STAB2: variants seen among roughly 807,000 people sequenced by gnomAD.
The protein encoded by STAB2 is stabilin-2.
STAB2 carries 288 observed loss-of-function variants against 338.1 expected under a neutral mutation model. That is an observed-to-expected ratio of 0.85 (90% CI 0.77 to 0.94). STAB2 has a LOEUF of 0.94. Among genes scored for constraint, STAB2 ranks in the 40% least tolerant of loss-of-function variants. STAB2 has a pLI of 0.00. For missense variants in STAB2, 3,141 were observed against 3,210.1 expected, an observed-to-expected ratio of 0.98 and a Z score of 0.52; for synonymous variants, 1,202 against 1,193.3, an observed-to-expected ratio of 1.01 and a Z score of -0.15.
At position 103,755,313 on chromosome 12, in the gene STAB2, C is replaced by T; in HGVS notation, c.6726C>T (p.His2242=). Residue 2242 remains histidine, a synonymous_variant, in exon 62 of 69, where the codon CAC becomes CAT. Transcript: ENST00000388887. The part of the protein sequence containing the change: ...QLSYAQKAKY[H]LCSAGWLETG... ...CTGTATCCCTGCAGGCCAAGTACCA[C>T]CTGTGCTCAGCAGGCTGGCTGGAGA... 1 of 1,614,012 alleles carries T rather than the reference C, an allele frequency of 6.2e-7. No homozygotes were observed.
At position 103,617,098 on chromosome 12, in the gene STAB2, A is replaced by G. The variant is rs755805188; in HGVS notation, c.332-3370A>G. Among the ~76,000 whole-genome samples, 3 of 152,154 alleles carry G rather than the reference A, an allele frequency of 2.0e-5. 1 individual carries two copies. The highest frequency in any genetic ancestry group is 4.1e-4 in the South Asian group (2 of 4,824). On this transcript the variant is annotated intron_variant, in intron 3 of 68. Coordinates refer to ENST00000388887, the MANE Select transcript of STAB2 (RefSeq NM_017564.10). ...AACCAACTGGGCCATTCAGAACTAG[A>G]TTATTTTTGGTAAATATTGGTAAGT...
chr12:103,741,670 G>A (rs1296143010), intron 55 of STAB2, among the ~76,000 whole-genome samples: 2 of 152,212 alleles, frequency 1.3e-5, no homozygotes, highest in Non-Finnish European at 2.9e-5. Context: ...GCCCAGGCTG[G>A]TCTCAAACTC....
At chr12:103,713,926 A>G (rs933889396) in intron 42 of STAB2, among the ~76,000 whole-genome samples, 158 bp downstream of exon 42, 1 of 152,268 alleles carries the variant, frequency 6.6e-6, no homozygotes, top group African/African-American at 2.4e-5. Flanking sequence ...AAGTGACCAC[A>G]GGGTATGAAG....
At chr12:103,647,738 C>T (rs928666057) in intron 9 of STAB2, among the ~76,000 whole-genome samples, 1 of 152,194 alleles carries the variant, frequency 6.6e-6, no homozygotes, top group African/African-American at 2.4e-5. Flanking sequence ...AGTAGGGCTT[C>T]CCCCTCCCCC....
At position 103,602,868 on chromosome 12, in the gene STAB2, T is replaced by C. The variant is rs569463823; in HGVS notation, c.331+8358T>C. 7.2e-5 allele frequency among the ~76,000 whole-genome samples: 11 copies of C among 152,362 alleles called. No homozygotes were observed. The South Asian group carries it at 2.3e-3, about 32-fold the overall frequency. Reference sequence around the variant, plus strand: ...TCTTTCCAGTCTCGTAACATTGCCTTTTGAAGAGAAAACATTCTTAATTTT... The same window carrying C: ...TCTTTCCAGTCTCGTAACATTGCCTCTTGAAGAGAAAACATTCTTAATTTT... On this transcript the variant is annotated intron_variant, in intron 3 of 68. Transcript: ENST00000388887.
intron 50 of STAB2, among the ~76,000 whole-genome samples, chr12:103,732,790 G>A (rs577048206): frequency 6.6e-6 from 1 of 152,286 alleles, no homozygotes; most frequent in East Asian, 1.9e-4. Context: ...GGGCAACAGA[G>A]TGAGACCCTG....
chr12:103,688,080 C>A (rs1877589618), intron 27 of STAB2, 88 bp from the exon 28 acceptor site: 3 of 1,331,766 alleles, frequency 2.3e-6, no homozygotes, highest in Non-Finnish European at 3.2e-6. Context: ...GCAGGTGACC[C>A]AGAGATGCAC....
chr12:103,765,367 T>G (rs963228982), intron 68 of STAB2, among the ~76,000 whole-genome samples: 1 of 152,128 alleles, frequency 6.6e-6, no homozygotes, highest in African/African-American at 2.4e-5. Context: ...CATTCCAGAA[T>G]CCTAAGCATA....
At chr12:103,718,124 G>C (rs544278110) in intron 44 of STAB2, among the ~76,000 whole-genome samples, 10 of 152,084 alleles carry the variant, frequency 6.6e-5, no homozygotes, top group Admixed American at 1.3e-4. Context: ...TTATGAAAAA[G>C]ATCCCTTTCC....
chr12:103,700,613 T>C (rs1434061769), intron 34 of STAB2, among the ~76,000 whole-genome samples: 1 of 152,192 alleles, frequency 6.6e-6, no homozygotes, highest in Non-Finnish European at 1.5e-5. Flanking sequence ...GGATTGGTAA[T>C]TATGGTATTG....
At chr12:103,683,082 C>T in intron 25 of STAB2, 123 bp from the exon 26 acceptor site, 1 of 701,648 alleles carries the variant, frequency 1.4e-6, no homozygotes, top group Non-Finnish European at 2.3e-6. Flanking sequence ...GGCATTAACA[C>T]TGTTCTCTGG....
At chr12:103,619,604 A>T (rs1296426645) in intron 3 of STAB2, among the ~76,000 whole-genome samples, 1 of 152,174 alleles carries the variant, frequency 6.6e-6, no homozygotes, top group African/African-American at 2.4e-5. Context: ...CATAAAAGCT[A>T]CAATTCAGAT....
At chr12:103,657,892 G>A (rs1874312677) in intron 15 of STAB2, 1 of 152,178 alleles carries the variant, frequency 6.6e-6, no homozygotes, top group Non-Finnish European at 1.5e-5. Flanking sequence ...CATCGGCTAT[G>A]CCAATGAAAT....
At chr12:103,683,152 A>T in intron 25 of STAB2, 53 bp from the exon 26 acceptor site, 5 of 1,520,300 alleles carry the variant, frequency 3.3e-6, no homozygotes, top group Non-Finnish European at 4.5e-6. Flanking sequence ...AGGGAAAGAC[A>T]TGGAAGGCAC....
intron 3 of STAB2, among the ~76,000 whole-genome samples, chr12:103,598,221 T>G (rs1453300406): frequency 2.6e-5 from 4 of 152,180 alleles, no homozygotes; most frequent in African/African-American, 4.8e-5. Flanking sequence ...CTAGCACTGT[T>G]CACCAAGCTT....
chr12:103,656,124 G>A (rs913453257), intron 15 of STAB2, among the ~76,000 whole-genome samples: 2 of 152,158 alleles, frequency 1.3e-5, no homozygotes, highest in Non-Finnish European at 2.9e-5. Flanking sequence ...CTTCATATCG[G>A]GGTGTCAATG....
intron 9 of STAB2, among the ~76,000 whole-genome samples, chr12:103,645,368 C>T (rs1453436375): frequency 6.6e-6 from 1 of 152,138 alleles, no homozygotes; most frequent in Non-Finnish European, 1.5e-5. Context: ...ATTCCATTAG[C>T]ACTGAGGCCA....
At chr12:103,613,492 C>T (rs547514239) in intron 3 of STAB2, among the ~76,000 whole-genome samples, 8 of 152,280 alleles carry the variant, frequency 5.3e-5, no homozygotes, top group African/African-American at 1.7e-4. Context: ...AAGCCACGTG[C>T]GGGATATAAT....
chr12:103,685,736 C>G (rs1018402618), intron 27 of STAB2, among the ~76,000 whole-genome samples: 1 of 152,194 alleles, frequency 6.6e-6, no homozygotes, highest in Non-Finnish European at 1.5e-5. Context: ...TCTATCTGTA[C>G]AGCATGGGCC....
Sources: allele counts gnomAD v4.1 joint callset (sites outside exome capture counted in the v4.1 genomes callset), GRCh38; gene constraint gnomAD v4.1.1; transcripts MANE v1.5; gene names NCBI Gene and HGNC (gene_info 2026-07-23, HGNC 2026-07-21).